FCHSD2: variants seen among roughly 807,000 people sequenced by gnomAD.
The protein encoded by FCHSD2 is F-BAR and double SH3 domains protein 2.
Under a neutral mutation model 108.1 loss-of-function variants are expected in FCHSD2, and 38 were observed. That is an observed-to-expected ratio of 0.35 (90% confidence interval 0.27 to 0.46). The LOEUF (loss-of-function observed/expected upper bound fraction) is 0.46. Ranked by LOEUF, FCHSD2 falls within the 20% of genes least tolerant of loss-of-function variation. The pLI, the probability that FCHSD2 is intolerant of heterozygous loss-of-function variation, is 1.00. For missense variants in FCHSD2, 751 were observed against 897.8 expected (o/e 0.84, Z 2.09); for synonymous variants, 279 against 314.7 (o/e 0.89, Z 1.20).
At chr11:73,126,858 C>A (rs546462501) in intron 2 of FCHSD2, among the ~76,000 whole-genome samples, 1 of 152,114 alleles carries the variant, frequency 6.6e-6, no homozygotes, top group African/African-American at 2.4e-5. Flanking sequence ...ACCAACATGG[C>A]AAAACCCTAT....
At chr11:72,898,338 C>T (rs779459776) in intron 10 of FCHSD2, among the ~76,000 whole-genome samples, 3 of 152,148 alleles carry the variant, frequency 2.0e-5, no homozygotes, top group Non-Finnish European at 4.4e-5. Context: ...CTATATCTTA[C>T]GTAAATTTAG....
intron 8 of FCHSD2, among the ~76,000 whole-genome samples, chr11:72,947,153 A>G (rs1856536517): frequency 6.6e-6 from 1 of 152,260 alleles, no homozygotes; most frequent in South Asian, 2.1e-4. Context: ...TGCTGTAGGT[A>G]CGAAGCATTT....
At chr11:73,038,515 C>T (rs7122194) in intron 3 of FCHSD2, among the ~76,000 whole-genome samples, 1 of 152,078 alleles carries the variant, frequency 6.6e-6, no homozygotes, top group Non-Finnish European at 1.5e-5. Flanking sequence ...TACTATGCAG[C>T]CATGAAAAGA....
At chr11:73,091,336 C>A (rs1859952294) in intron 2 of FCHSD2, among the ~76,000 whole-genome samples, 1 of 151,976 alleles carries the variant, frequency 6.6e-6, no homozygotes, top group African/African-American at 2.4e-5. Context: ...GTCAGGAGTT[C>A]GAGACCAGCC....
chr11:73,054,524 C>T (rs910529020), intron 3 of FCHSD2, among the ~76,000 whole-genome samples: 3 of 151,664 alleles, frequency 2.0e-5, no homozygotes, highest in Admixed American at 6.6e-5. Context: ...GAAGTATAGT[C>T]TGATCCAGAT....
chr11:73,002,040 G>A (rs1409014672), intron 4 of FCHSD2, among the ~76,000 whole-genome samples: 1 of 152,100 alleles, frequency 6.6e-6, no homozygotes, highest in Non-Finnish European at 1.5e-5. Flanking sequence ...GTGAAATTCT[G>A]ATAGATTATA....
chr11:73,011,458 G>GC (rs1422996111), intron 4 of FCHSD2, among the ~76,000 whole-genome samples: 9 of 152,220 alleles, frequency 5.9e-5, no homozygotes, highest in African/African-American at 2.2e-4. Context: ...ACCTAACAGT[G>GC]TTAACCCACA....
chr11:72,990,966 A>G (rs1857400211), intron 5 of FCHSD2, among the ~76,000 whole-genome samples: 1 of 152,204 alleles, frequency 6.6e-6, no homozygotes, highest in Non-Finnish European at 1.5e-5. Flanking sequence ...GACTACTAGC[A>G]AGACTAATAA....
At position 73,088,846 on chromosome 11, in the gene FCHSD2, T is replaced by C. The variant is rs574037277; in HGVS notation, c.120-5106A>G. Among the ~76,000 whole-genome samples the C allele has an allele frequency of 3.3e-5, 5 of 152,314 alleles. No individual in the cohort carries two copies. In the South Asian group the frequency reaches 1.0e-3, roughly 32 times the overall value. On this transcript the variant is annotated intron_variant, in intron 2 of 19. Coordinates refer to ENST00000409418, the MANE Select transcript of FCHSD2 (RefSeq NM_014824.3). ...TTGTAGAAGGTTGGATTTTTTTATA[T>C]TTCACAAAAGATAAAAGGAAATATT... is the stretch of plus-strand genomic sequence containing the variant.
intron 8 of FCHSD2, among the ~76,000 whole-genome samples, chr11:72,950,531 A>C (rs1186252824): frequency 2.0e-5 from 3 of 151,946 alleles, no homozygotes; most frequent in African/African-American, 7.3e-5. Context: ...GTCCAACTTC[A>C]TTCTTCTTGC....
chr11:72,837,888 A>C lies in FCHSD2; in HGVS notation c.*903T>G, dbSNP rs571195619. The C allele has an allele frequency of 6.6e-6, 1 of 152,304 alleles. No individual in the cohort carries two copies. The highest frequency in any genetic ancestry group is 2.1e-4 in the South Asian group (1 of 4,828). The allele number at this position is 152,304 out of a possible 1,614,324, so 9.4% of individuals were successfully genotyped here. A position where few individuals can be genotyped will look rare whatever the true frequency, so the allele number is the denominator to read the frequency against. On this transcript the variant is annotated 3_prime_UTR_variant, in exon 20 of 20. Transcript: ENST00000409418. ...TAATGCCGGGGCGTCCCCAGTAGAG[A>C]AGCTCAACAATGCAGGTATGTGTCC...
At chr11:72,941,242 T>A (rs577522803) in intron 8 of FCHSD2, 1 of 214,570 alleles carries the variant, frequency 4.7e-6, no homozygotes. Context: ...TCACTATGTG[T>A]CCCCAGTAAA....
At chr11:72,954,257 G>A (rs1246799440) in intron 8 of FCHSD2, among the ~76,000 whole-genome samples, 1 of 140,614 alleles carries the variant, frequency 7.1e-6, no homozygotes, top group Non-Finnish European at 1.5e-5. Flanking sequence ...CCAGGCTGGA[G>A]TGCAGTGGCA....
At chr11:73,067,851 C>T (rs1480981289) in intron 3 of FCHSD2, among the ~76,000 whole-genome samples, 1 of 152,162 alleles carries the variant, frequency 6.6e-6, no homozygotes, top group East Asian at 1.9e-4. Flanking sequence ...TCCATTTTCA[C>T]ACTGCTGATA....
intron 5 of FCHSD2, among the ~76,000 whole-genome samples, chr11:72,992,740 C>T (rs1857441102): frequency 6.6e-6 from 1 of 152,130 alleles, no homozygotes; most frequent in Non-Finnish European, 1.5e-5. Flanking sequence ...TTCCTTACAC[C>T]TTATACAAAA....
At chr11:72,940,834 CT>C in intron 8 of FCHSD2, 1 of 906,912 alleles carries the variant, frequency 1.1e-6, no homozygotes, top group Non-Finnish European at 1.8e-6. Context: ...CTGTGGGGCT[CT>C]TAGAGTCCTG....
chr11:73,097,897 C>T (rs982383893), intron 2 of FCHSD2, among the ~76,000 whole-genome samples: 1 of 152,092 alleles, frequency 6.6e-6, no homozygotes, highest in African/African-American at 2.4e-5. Context: ...TGGGCTTAAA[C>T]TCCTGGGCTC....
intron 12 of FCHSD2, among the ~76,000 whole-genome samples, chr11:72,868,391 G>C (rs1181982093): frequency 6.6e-6 from 1 of 152,152 alleles, no homozygotes; most frequent in Admixed American, 6.6e-5. Context: ...AAAAAGAATA[G>C]CTAATGGAGC....
At chr11:72,899,308 A>G (rs1341498118) in intron 10 of FCHSD2, among the ~76,000 whole-genome samples, 1 of 152,226 alleles carries the variant, frequency 6.6e-6, no homozygotes, top group East Asian at 1.9e-4. Flanking sequence ...AAGTAGACAC[A>G]ATCCAATAAA....
Sources: allele counts gnomAD v4.1 joint callset (sites outside exome capture counted in the v4.1 genomes callset), GRCh38; gene constraint gnomAD v4.1.1; transcripts MANE v1.5; gene names NCBI Gene and HGNC (gene_info 2026-07-23, HGNC 2026-07-21).